The following UCN3 variants were observed in gnomAD, a reference collection of about 807,000 sequenced individuals.
UCN3 encodes the protein urocortin 3.
Under a neutral mutation model 3.6 loss-of-function variants are expected in UCN3, and 3 were observed. The observed-to-expected ratio is 0.83, with a 90% CI of 0.38 to 2.15. The LOEUF (loss-of-function observed/expected upper bound fraction) is 2.15, where lower values mean the gene tolerates loss of function less well. Among genes scored for constraint, UCN3 ranks in the 30% most tolerant of loss-of-function variants. The pLI is 0.06. For synonymous variants in UCN3, 100 were observed against 93.2 expected (o/e 1.07, Z -0.42); for missense variants, 206 against 208.3 (o/e 0.99, Z 0.07).
chr10:5,371,164 C>T lies in UCN3; in HGVS notation c.-6-2551C>T, dbSNP rs1050373849. Among the ~76,000 whole-genome samples, 323 of 144,056 alleles carry T rather than the reference C, an allele frequency of 2.2e-3. 10 individuals carry two copies. Among genetic ancestry groups the T allele is most frequent in the African/African-American group, 8.0e-3 (303 of 37,694 alleles). The allele number at this position is 144,056 out of a possible 152,430, so 94.5% of individuals were successfully genotyped here. On this transcript the variant is annotated intron_variant, in intron 1 of 1. Transcript: ENST00000380433. ...ATATGTGTGCATGTATATGTGTGTG[C>T]ATGTGTATGTATGTGCATATGTGTA... is the stretch of plus-strand genomic sequence containing the variant.
chr10:5,369,862 G>T (rs199939992), intron 1 of UCN3, among the ~76,000 whole-genome samples: 31 of 99,536 alleles, frequency 3.1e-4, no homozygotes, highest in African/African-American at 1.0e-3. Flanking sequence ...TATCCACGTG[G>T]GTGTGTGTGT....
intron 1 of UCN3, among the ~76,000 whole-genome samples, chr10:5,369,873 A>ATGTGTGTGTGTGTG (rs1564441995): frequency 3.0e-5 from 2 of 66,108 alleles, no homozygotes; most frequent in African/African-American, 1.2e-4. Context: ...GTGTGTGTGT[A>ATGTGTGTGTGTGTG]TATGTGTGTG....
intron 1 of UCN3, among the ~76,000 whole-genome samples, chr10:5,371,787 C>G (rs1243444623): frequency 6.6e-6 from 1 of 152,196 alleles, no homozygotes; most frequent in Non-Finnish European, 1.5e-5. Context: ...ATTTACTTAC[C>G]CAATTGTTCT....
intron 1 of UCN3, among the ~76,000 whole-genome samples, chr10:5,370,383 A>ATGTGTGTGTG (rs1564442843): frequency 4.5e-5 from 1 of 22,290 alleles, no homozygotes; most frequent in East Asian, 1.8e-3. Flanking sequence ...ATATGCGTGT[A>ATGTGTGTGTG]TATGCGTGTG....
At position 5,365,172 on chromosome 10, in the gene UCN3, GC is replaced by G. The variant is rs1366927370; in HGVS notation, c.-62del. 2 of 152,388 alleles carry G rather than the reference GC, an allele frequency of 1.3e-5. No homozygotes were observed. The highest frequency in any genetic ancestry group is 1.3e-4 in the Admixed American group (2 of 15,294). 9.4% of individuals were successfully genotyped at this position (152,388 alleles called of 1,614,324 possible). A position where few individuals can be genotyped will look rare whatever the true frequency, so the allele number is the denominator to read the frequency against. On this transcript the variant is annotated 5_prime_UTR_variant, in exon 1 of 2. An upstream open reading frame in the 5' UTR gains an earlier in-frame stop. Coordinates refer to ENST00000380433, the MANE Select transcript of UCN3 (RefSeq NM_053049.4). The surrounding 1 kb of genome is among the most constrained non-coding windows in gnomAD (Gnocchi z 4.4). ...GGACGTGCACGGGGCCGCCCTCCTG[GC>G]CCTGAAGCTGCGCCGGCCTCCCTGA...
Position 5,374,047 on chromosome 10 carries a change from G to C in UCN3, c.327G>C (p.Gln109His). The C allele has an allele frequency of 6.2e-7, 1 of 1,612,982 alleles. No homozygotes were observed. Among genetic ancestry groups the C allele is most frequent in the Non-Finnish European group, 8.5e-7 (1 of 1,179,532 alleles). The part of the protein sequence containing the change: ...SQAQPRGKPR[Q>H]DTAKSPHRTK... ...CACAGCCCAGGGGAAAGCCACGCCA[G>C]GACACGGCCAAGAGTCCCCACCGCA... The change falls in exon 2 of 2, where the codon CAG becomes CAC. Residue 109 changes from glutamine (Q) to histidine (H), a missense_variant. Physicochemically the swap from Gln to His is conservative, Grantham distance 24. Transcript: ENST00000380433.
chr10:5,370,857 GTGTGCGTGTGTA>G (rs1831405559), intron 1 of UCN3, among the ~76,000 whole-genome samples: 2 of 99,752 alleles, frequency 2.0e-5, no homozygotes, highest in Admixed American at 2.3e-4. Context: ...GTGCGCGTGT[GTGTGCGTGTGTA>G]TGTGTGTGTA....
chr10:5,373,915 A>G lies in UCN3; in HGVS notation c.195A>G (p.Arg65=). 6.2e-7 allele frequency: 1 copy of G among 1,613,728 alleles called. No homozygotes were observed. The highest frequency in any genetic ancestry group is 8.5e-7 in the Non-Finnish European group (1 of 1,179,814). Residue 65 remains arginine (R), a synonymous_variant, in exon 2 of 2, where the codon AGA becomes AGG. Transcript: ENST00000380433. ...GGAGCTTCCACTACCTGCGCAGCAG[A>G]GACGCCTCTTCGGGAGAGGAGGAGG... ...SKRSFHYLRS[R]DASSGEEEEG...
intron 1 of UCN3, among the ~76,000 whole-genome samples, chr10:5,370,871 G>GTGTGTGTATATGTGTGTATA (rs1310554970): frequency 3.7e-5 from 5 of 135,326 alleles, no homozygotes; most frequent in Admixed American, 2.9e-4. Context: ...GCGTGTGTAT[G>GTGTGTGTATATGTGTGTATA]TGTGTGTATA....
chr10:5,373,724 C>T lies in UCN3; in HGVS notation c.4C>T (p.Leu2=). The part of the protein sequence containing the change: M[L]MPVHFLLLLL... ...CTCTTTTCTGCTGCAGGGAGAGATG[C>T]TGATGCCGGTCCACTTCCTGCTGCT... Residue 2 remains leucine, a synonymous_variant, in exon 2 of 2, where the codon CTG becomes TTG. Transcript: ENST00000380433. 4 of 1,613,306 alleles carry T rather than the reference C, an allele frequency of 2.5e-6. No homozygotes were observed. The highest frequency in any genetic ancestry group is 1.1e-5 in the South Asian group (1 of 91,032).
intron 1 of UCN3, among the ~76,000 whole-genome samples, chr10:5,370,727 C>CGT (rs1463378723): frequency 1.2e-5 from 1 of 82,886 alleles, no homozygotes; most frequent in African/African-American, 5.7e-5. Context: ...TGTGTATATG[C>CGT]GTGTGTATAT....
At chr10:5,370,459 A>G (rs111207948) in intron 1 of UCN3, among the ~76,000 whole-genome samples, 573 of 15,226 alleles carry the variant, frequency 0.038, 22 homozygotes, top group Non-Finnish European at 0.045. Flanking sequence ...GTGTGTGTAT[A>G]TGTGTGTATA....
intron 1 of UCN3, among the ~76,000 whole-genome samples, chr10:5,371,688 C>T (rs919137275): frequency 1.9e-4 from 29 of 152,294 alleles, no homozygotes; most frequent in Admixed American, 7.8e-4. Flanking sequence ...GCCAGCCCTG[C>T]CTGGCCCTGC....
chr10:5,368,213 A>G (rs1025327054), intron 1 of UCN3, among the ~76,000 whole-genome samples: 3 of 152,076 alleles, frequency 2.0e-5, no homozygotes, highest in Non-Finnish European at 4.4e-5. Context: ...TATGTTGGCC[A>G]GGCTGGTCTC....
In UCN3 at chr10:5,365,998, A is replaced by G. The variant is rs1834114281; in HGVS notation, c.-7+768A>G. Reference sequence around the variant, plus strand: ...CTTTCCCAAGCATAGCCACCTACCAAAAATAACAAATGTGAGATTTTTAAA... The same window carrying G: ...CTTTCCCAAGCATAGCCACCTACCAGAAATAACAAATGTGAGATTTTTAAA... On this transcript the variant is annotated intron_variant, in intron 1 of 1. Coordinates refer to ENST00000380433, the MANE Select transcript of UCN3 (RefSeq NM_053049.4). The surrounding 1 kb of genome is among the most constrained non-coding windows in gnomAD (Gnocchi z 4.4). 6.6e-6 allele frequency among the ~76,000 whole-genome samples: 1 copy of G among 152,226 alleles called. No homozygotes were observed. Among genetic ancestry groups the G allele is most frequent in the East Asian group, 1.9e-4 (1 of 5,204 alleles).
Position 5,367,937 on chromosome 10 carries a change from T to C in UCN3, c.-7+2707T>C, listed in dbSNP as rs1214140622. ...TGGTGGGGCAGTGGGGAGAGAGCCA[T>C]GTGGAACCCACAGAGGGAGGCCTGA... On this transcript the variant is annotated intron_variant, in intron 1 of 1. Coordinates refer to ENST00000380433, the MANE Select transcript of UCN3 (RefSeq NM_053049.4). The surrounding 1 kb of genome is among the most constrained non-coding windows in gnomAD (Gnocchi z 4.3). Among the ~76,000 whole-genome samples, 1 of 152,112 alleles carries C rather than the reference T, an allele frequency of 6.6e-6. No homozygotes were observed. Among genetic ancestry groups the C allele is most frequent in the East Asian group, 1.9e-4 (1 of 5,192 alleles).
intron 1 of UCN3, among the ~76,000 whole-genome samples, chr10:5,370,245 G>GTA (rs1251436045): frequency 1.7e-5 from 1 of 57,382 alleles, no homozygotes; most frequent in African/African-American, 7.9e-5. Context: ...ATGCGTGTGT[G>GTA]TATGCGTGTG....
chr10:5,370,553 G>C (rs538187710), intron 1 of UCN3, among the ~76,000 whole-genome samples: 1 of 115,034 alleles, frequency 8.7e-6, no homozygotes, highest in African/African-American at 3.4e-5. Context: ...GTATATGTGT[G>C]TATATGTGTG....
chr10:5,370,604 C>T lies in UCN3; in HGVS notation c.-6-3111C>T, dbSNP rs375772706. On this transcript the variant is annotated intron_variant, in intron 1 of 1. Coordinates refer to ENST00000380433, the MANE Select transcript of UCN3 (RefSeq NM_053049.4). ...ATGTGTGTATATGTGTGTGTGTATG[C>T]GTGTGTATATGCGTGTATATGCGTG... is the stretch of plus-strand genomic sequence containing the variant. 1.4e-3 allele frequency among the ~76,000 whole-genome samples: 40 copies of T among 29,180 alleles called. 2 individuals are homozygous for T. The highest frequency in any genetic ancestry group is 3.4e-3 in the Admixed American group (7 of 2,080). The allele number at this position is 29,180 out of a possible 152,430, so 19.1% of individuals were successfully genotyped here.
Sources: gnomAD v4.1 joint callset for allele counts (sites outside exome capture counted in the v4.1 genomes callset) on GRCh38, gnomAD v4.1.1 for gene constraint, Gnocchi (gnomAD v3.1) non-coding constraint, MANE v1.5 for transcripts, NCBI Gene and HGNC (gene_info 2026-07-23, HGNC 2026-07-21) for gene names.